TCF4: variants seen among roughly 807,000 people sequenced by gnomAD.
TCF4 encodes the protein transcription factor 4, also known as SL3-3 enhancer factor 2.
TCF4 carries 3 observed loss-of-function variants against 82.1 expected under a neutral mutation model. That is an observed-to-expected ratio of 0.04 (90% CI 0.02 to 0.09). TCF4 has a LOEUF of 0.09. Among genes scored for constraint, TCF4 ranks in the 10% least tolerant of loss-of-function variants. TCF4 has a pLI of 1.00. For missense variants in TCF4, 518 were observed against 852.7 expected, an observed-to-expected ratio of 0.61 and a Z score of 4.89; for synonymous variants, 276 against 309.6, an observed-to-expected ratio of 0.89 and a Z score of 1.14.
At chr18:55,518,282 A>G (rs1568296572) in intron 3 of TCF4, among the ~76,000 whole-genome samples, 2 of 152,222 alleles carry the variant, frequency 1.3e-5, no homozygotes, top group African/African-American at 2.4e-5. Flanking sequence ...AGTTAAGTAG[A>G]GCAAATTTAG....
At chr18:55,597,574 C>T (rs899585677) in intron 2 of TCF4, among the ~76,000 whole-genome samples, 5 of 151,204 alleles carry the variant, frequency 3.3e-5, no homozygotes, top group Admixed American at 1.3e-4. Flanking sequence ...GGCCAAGGCA[C>T]GAGAATCACT....
chr18:55,301,772 C>G (rs1158752062), intron 8 of TCF4, among the ~76,000 whole-genome samples: 1 of 92,060 alleles, frequency 1.1e-5, no homozygotes. Context: ...ATCTAGTGAG[C>G]TAACACCAAA....
intron 8 of TCF4, among the ~76,000 whole-genome samples, chr18:55,295,324 C>T (rs2066207362): frequency 6.6e-6 from 1 of 152,182 alleles, no homozygotes; most frequent in South Asian, 2.1e-4. Flanking sequence ...ATAATTGATG[C>T]TCATTTTCCG....
chr18:55,341,396 C>G (rs540217427), intron 8 of TCF4, among the ~76,000 whole-genome samples: 1 of 152,282 alleles, frequency 6.6e-6, no homozygotes, highest in East Asian at 1.9e-4. Flanking sequence ...TAGTGTACCA[C>G]TTAGAACATG....
intron 5 of TCF4, among the ~76,000 whole-genome samples, chr18:55,426,912 A>G (rs2147078396): frequency 6.6e-6 from 1 of 152,274 alleles, no homozygotes; most frequent in Admixed American, 6.5e-5. Flanking sequence ...AACCAGTGTC[A>G]TCACAGTATA....
upstream of TCF4, chr18:55,591,007 A>G (rs1422215313): frequency 6.6e-6 from 1 of 152,214 alleles, no homozygotes; most frequent in Non-Finnish European, 1.5e-5. Context: ...TCCACATTCA[A>G]CCATATTCCT....
In TCF4 at chr18:55,298,700, C is replaced by A. The variant is rs191555735; in HGVS notation, c.550-19044G>T. On this transcript the variant is annotated intron_variant, in intron 8 of 19. Coordinates refer to ENST00000354452, the MANE Select transcript of TCF4 (RefSeq NM_001083962.2). ...CTACTACTAAAACATGTGACTAGAG[C>A]AAATCACTTAATTGCCAGTTGCTCT... Among the ~76,000 whole-genome samples the A allele has an allele frequency of 1.9e-3, 291 of 152,282 alleles. 2 individuals are homozygous for A. Among genetic ancestry groups the A allele is most frequent in the Non-Finnish European group, 3.2e-3 (217 of 68,014 alleles).
At chr18:55,586,611 T>C (rs981993600) in intron 2 of TCF4, among the ~76,000 whole-genome samples, 2 of 152,252 alleles carry the variant, frequency 1.3e-5, no homozygotes, top group Admixed American at 6.5e-5. Context: ...ATCATTAGCT[T>C]AAAACTTTAA....
chr18:55,552,896 A>G (rs1568381861), intron 3 of TCF4, among the ~76,000 whole-genome samples: 1 of 152,262 alleles, frequency 6.6e-6, no homozygotes, highest in Non-Finnish European at 1.5e-5. Context: ...CAGCAAGAGA[A>G]GCAATCACAT....
chr18:55,506,055 T>C (rs2096756180), intron 3 of TCF4, among the ~76,000 whole-genome samples: 1 of 152,246 alleles, frequency 6.6e-6, no homozygotes. Context: ...AGAAATGGTT[T>C]CTTCATCTCT....
intron 11 of TCF4, chr18:55,269,108 A>G (rs148410041): frequency 0.013 from 1,965 of 152,388 alleles, 23 homozygotes; most frequent in Middle Eastern, 0.031. Flanking sequence ...GGAACCACCT[A>G]TGGAAAAGAC....
At chr18:55,493,770 C>G (rs918157190) in intron 3 of TCF4, among the ~76,000 whole-genome samples, 2 of 152,104 alleles carry the variant, frequency 1.3e-5, no homozygotes, top group Non-Finnish European at 2.9e-5. Context: ...ATGCCTTTGT[C>G]TCTCTGCAAA....
chr18:55,417,281 G>A (rs2094557022), intron 5 of TCF4, among the ~76,000 whole-genome samples: 1 of 152,062 alleles, frequency 6.6e-6, no homozygotes, highest in Non-Finnish European at 1.5e-5. Context: ...GGTAGACATG[G>A]CCATTTTTAC....
intron 3 of TCF4, chr18:55,482,712 C>G (rs2096457472): frequency 6.6e-6 from 1 of 152,214 alleles, no homozygotes; most frequent in East Asian, 1.9e-4. Flanking sequence ...CCCTCGTGTT[C>G]TCTCTTCCAG....
intron 3 of TCF4, among the ~76,000 whole-genome samples, chr18:55,511,044 A>G (rs930831913): frequency 3.2e-4 from 48 of 152,190 alleles, no homozygotes; most frequent in African/African-American, 1.1e-3. Flanking sequence ...GATGTTTGTA[A>G]ATTTCCTTCC....
At chr18:55,631,244 T>G (rs2097731320) in intron 2 of TCF4, 1 of 781,696 alleles carries the variant, frequency 1.3e-6, no homozygotes, top group Non-Finnish European at 2.1e-6. Flanking sequence ...GAGACAGGAT[T>G]TCATCATGTT....
At position 55,479,446 on chromosome 18, in the gene TCF4, C is replaced by A. The variant is rs551346191; in HGVS notation, c.146-15309G>T. Reference sequence around the variant, plus strand: ...AAAGCCAGGCTATGTTTTCACCAATCCCCATCTCTTTCTGCCCGTGACCAC... The same window carrying A: ...AAAGCCAGGCTATGTTTTCACCAATACCCATCTCTTTCTGCCCGTGACCAC... On this transcript the variant is annotated intron_variant, in intron 3 of 19. Coordinates refer to ENST00000354452, the MANE Select transcript of TCF4 (RefSeq NM_001083962.2). 31 of 153,216 alleles carry A rather than the reference C, an allele frequency of 2.0e-4. No individual in the cohort carries two copies. The South Asian group carries it at 4.7e-3, about 23-fold the overall frequency. 9.5% of individuals were successfully genotyped at this position (153,216 alleles called of 1,614,324 possible). A position where few individuals can be genotyped will look rare whatever the true frequency, so the allele number is the denominator to read the frequency against.
At chr18:55,365,903 A>G (rs2086914640) in intron 6 of TCF4, among the ~76,000 whole-genome samples, 1 of 152,118 alleles carries the variant, frequency 6.6e-6, no homozygotes, top group Non-Finnish European at 1.5e-5. Context: ...AAAAAAAGCA[A>G]AACAAAAAAC....
chr18:55,272,536 C>G (rs944923184), intron 10 of TCF4, among the ~76,000 whole-genome samples: 1 of 152,090 alleles, frequency 6.6e-6, no homozygotes, highest in African/African-American at 2.4e-5. Flanking sequence ...TGTCTATTAA[C>G]AGAGTAATTG....
Sources: allele counts gnomAD v4.1 joint callset (sites outside exome capture counted in the v4.1 genomes callset), GRCh38; gene constraint gnomAD v4.1.1; transcripts MANE v1.5; gene names NCBI Gene and HGNC (gene_info 2026-07-23, HGNC 2026-07-21).